The following ADSL variants were observed in gnomAD, a reference collection of about 807,000 sequenced individuals.
ADSL encodes adenylosuccinate lyase.
ADSL carries 44 observed loss-of-function variants against 62.1 expected under a neutral mutation model. The ratio of observed to expected loss-of-function variants is 0.71; its 90% CI spans 0.56 to 0.91. ADSL has a LOEUF of 0.91. Ranked by LOEUF, ADSL falls within the 40% of genes least tolerant of loss-of-function variation. ADSL has a pLI of 0.00. For synonymous variants in ADSL, 198 were observed against 220.5 expected (o/e 0.90, Z 0.90); for missense variants, 531 against 627.4 (o/e 0.85, Z 1.64).
At chr22:40,375,328 C>T (rs528098362) in intron 2 of ADSL, among the ~76,000 whole-genome samples, 1 of 152,126 alleles carries the variant, frequency 6.6e-6, no homozygotes, top group Non-Finnish European at 1.5e-5. Context: ...GCCTGTAATC[C>T]CAGTGCTTTG....
chr22:40,379,781 T>C (rs939860836), intron 2 of ADSL, among the ~76,000 whole-genome samples: 4 of 152,140 alleles, frequency 2.6e-5, no homozygotes, highest in Non-Finnish European at 5.9e-5. Flanking sequence ...CAATCTCCAC[T>C]CACTGCAACC....
At position 40,361,268 on chromosome 22, in the gene ADSL, C is replaced by G; in HGVS notation, c.793-5C>G. The G allele has an allele frequency of 6.2e-7, 1 of 1,614,044 alleles. No individual in the cohort carries two copies. Among genetic ancestry groups the G allele is most frequent in the Non-Finnish European group, 8.5e-7 (1 of 1,179,964 alleles). On this transcript the variant is annotated splice_region_variant and splice_polypyrimidine_tract_variant and intron_variant, in intron 7 of 12. Transcript: ENST00000623063. Reference sequence around the variant, plus strand: ...GGGTGATGCTTATTCCCCTACCTCCCCCAGATTTGCACCGACATACGCCTC... The same window carrying G: ...GGGTGATGCTTATTCCCCTACCTCCGCCAGATTTGCACCGACATACGCCTC...
intron 2 of ADSL, among the ~76,000 whole-genome samples, chr22:40,352,463 G>A (rs1280877354): frequency 6.6e-6 from 1 of 152,126 alleles, no homozygotes; most frequent in Non-Finnish European, 1.5e-5. Context: ...GGGAGGTGGA[G>A]CTCGCAGTGA....
chr22:40,361,907 A>G (rs1216848795), intron 9 of ADSL, among the ~76,000 whole-genome samples: 1 of 152,228 alleles, frequency 6.6e-6, no homozygotes. Flanking sequence ...TAAGAAATAC[A>G]TGCATCTTTT....
intron 2 of ADSL, among the ~76,000 whole-genome samples, chr22:40,351,195 A>G (rs1276903906): frequency 2.0e-5 from 3 of 150,154 alleles, no homozygotes; most frequent in Non-Finnish European, 4.4e-5. Context: ...TTGGAGACAG[A>G]GTTTTGCTCT....
chr22:40,346,541 C>A lies in ADSL; in HGVS notation c.-18C>A, dbSNP rs745531733. 9 of 1,597,860 alleles carry A rather than the reference C, an allele frequency of 5.6e-6. No homozygotes were observed. The South Asian group carries it at 1.0e-4, about 18-fold the overall frequency. On this transcript the variant is annotated 5_prime_UTR_variant, in exon 1 of 13. Coordinates refer to ENST00000623063, the MANE Select transcript of ADSL (RefSeq NM_000026.4). The stretch of plus-strand genomic sequence containing the variant: ...TCTTCCCTGGTCCAGTCCACCCTGG[C>A]GGGGTCGCAGGGTTGGGATGGCGGC...
At chr22:40,365,792 C>T (rs1451192144) in intron 12 of ADSL, among the ~76,000 whole-genome samples, 1 of 151,766 alleles carries the variant, frequency 6.6e-6, no homozygotes, top group Non-Finnish European at 1.5e-5. Flanking sequence ...TAGCTTGAGC[C>T]TAGGAGGTCA....
intron 4 of ADSL, among the ~76,000 whole-genome samples, chr22:40,356,312 G>A (rs2044554543): frequency 6.6e-6 from 1 of 151,972 alleles, no homozygotes; most frequent in African/African-American, 2.4e-5. Context: ...CGAGGCAGGT[G>A]GATCACGAGG....
At chr22:40,369,421 G>A (rs1188406668), downstream of ADSL, 2 of 144,000 alleles carry the variant, frequency 1.4e-5, no homozygotes, top group African/African-American at 5.4e-5. Context: ...GTACATTTAT[G>A]TATATATATA....
chr22:40,370,302 C>T (rs1400784694), downstream of ADSL, among the ~76,000 whole-genome samples: 1 of 150,788 alleles, frequency 6.6e-6, no homozygotes, highest in Non-Finnish European at 1.5e-5. Context: ...TTGCAGTGAG[C>T]CGAGATCACG....
At chr22:40,385,660 G>T (rs923136130) in intron 2 of ADSL, among the ~76,000 whole-genome samples, 1 of 152,168 alleles carries the variant, frequency 6.6e-6, no homozygotes, top group Non-Finnish European at 1.5e-5. Flanking sequence ...CTCAGCTGGG[G>T]GTGAGTGGCA....
At chr22:40,375,874 C>T (rs993758882) in intron 2 of ADSL, among the ~76,000 whole-genome samples, 1 of 151,714 alleles carries the variant, frequency 6.6e-6, no homozygotes, top group Non-Finnish European at 1.5e-5. Context: ...CCTGCCTCTA[C>T]AAAAAAATTT....
rs949718956 is a variant in ADSL, at chr22:40,381,465, A to G, written c.90-8765A>G. 5.3e-5 allele frequency among the ~76,000 whole-genome samples: 8 copies of G among 152,312 alleles called. No homozygotes were observed. The East Asian group carries it at 1.5e-3, about 29-fold the overall frequency. ...TGCCCGGCTACAAGGCATTTTAACG[A>G]TGCAAGATAGTGCATTTAGGAACTG... On this transcript the variant is annotated intron_variant, in intron 2 of 2. Transcript: ENST00000498234.
chr22:40,358,798 G>A (rs1041079152), intron 4 of ADSL, 66 bp from the exon 5 acceptor site: 82 of 1,504,256 alleles, frequency 5.5e-5, no homozygotes, highest in Non-Finnish European at 7.3e-5. Flanking sequence ...ATTAAAAGAA[G>A]CAATGAAACC....
At chr22:40,356,545 A>AG (rs1252098402) in intron 4 of ADSL, among the ~76,000 whole-genome samples, 1 of 152,006 alleles carries the variant, frequency 6.6e-6, no homozygotes, top group African/African-American at 2.4e-5. Flanking sequence ...CAAAAAAAAA[A>AG]AAAAAAGAAA....
At chr22:40,361,063 A>T in intron 7 of ADSL, 2 of 651,732 alleles carry the variant, frequency 3.1e-6, no homozygotes, top group Non-Finnish European at 5.6e-6. Flanking sequence ...AAGCGTTTTC[A>T]TGCTCCTTGA....
chr22:40,384,816 T>C (rs1054929901), intron 2 of ADSL, among the ~76,000 whole-genome samples: 74 of 152,144 alleles, frequency 4.9e-4, no homozygotes, highest in Admixed American at 2.0e-4. Context: ...TGTGTTGTGG[T>C]ATATAGTCAA....
chr22:40,358,576 C>T (rs1327012566), intron 4 of ADSL, among the ~76,000 whole-genome samples: 1 of 151,998 alleles, frequency 6.6e-6, no homozygotes, highest in Non-Finnish European at 1.5e-5. Context: ...AGAGCAAGAC[C>T]CAGTCTAGAA....
At chr22:40,364,195 A>C (rs1433611990) in intron 10 of ADSL, 81 bp from the exon 11 acceptor site, 1 of 1,096,328 alleles carries the variant, frequency 9.1e-7, no homozygotes, top group Non-Finnish European at 1.4e-6. Context: ...TGTGCTGTGC[A>C]TTTTGTTTGA....
Sources: allele counts gnomAD v4.1 joint callset (sites outside exome capture counted in the v4.1 genomes callset), GRCh38; gene constraint gnomAD v4.1.1; transcripts MANE v1.5; gene names NCBI Gene and HGNC (gene_info 2026-07-23, HGNC 2026-07-21).